The following NXNL1 variants were observed in gnomAD, a reference collection of about 807,000 sequenced individuals.
The protein encoded by NXNL1 is nucleoredoxin like 1, also known as nucleoredoxin-like protein 1.
Under a neutral mutation model 7.2 loss-of-function variants are expected in NXNL1, and 6 were observed. The ratio of observed to expected loss-of-function variants is 0.83; its 90% CI spans 0.46 to 1.64. NXNL1 has a LOEUF of 1.64. Among genes scored for constraint, NXNL1 ranks in the 40% most tolerant of loss-of-function variants. The probability of loss-of-function intolerance (pLI) is 0.01; values close to 1 mark genes in which losing one functional copy is unlikely to be tolerated. For missense variants in NXNL1, 308 were observed against 285.1 expected (o/e 1.08, Z -0.58); for synonymous variants, 133 against 127.2 (o/e 1.05, Z -0.31).
intron 1 of NXNL1, among the ~76,000 whole-genome samples, chr19:17,457,622 C>T (rs952878985): frequency 6.6e-6 from 1 of 152,150 alleles, no homozygotes; most frequent in Non-Finnish European, 1.5e-5. Context: ...ATCCTTCCAT[C>T]TCTGCCTCCC....
chr19:17,458,596 A>ATT (rs34265338), intron 1 of NXNL1, among the ~76,000 whole-genome samples: 1,643 of 87,858 alleles, frequency 0.019, 35 homozygotes, highest in African/African-American at 0.022. Context: ...GATCTTTTTA[A>ATT]TTTTTTTTTT....
Position 17,455,656 on chromosome 19 carries a change from C to CCCCCCCG in NXNL1, c.629_630insCGGGGGG (p.Leu211GlyfsTer8). ...CCTCCACCCTAGCGGGTCAGAACAG[C>CCCCCCCG]CCCCCGGCCCCGCCCTCCTCCCCAC... On this transcript the variant is annotated frameshift_variant, in exon 2 of 2. Coordinates refer to ENST00000301944, the MANE Select transcript of NXNL1 (RefSeq NM_138454.2). LOFTEE classifies it high-confidence loss of function. The CCCCCCCG allele has an allele frequency of 1.1e-6, 1 of 888,210 alleles. No homozygotes were observed. Among genetic ancestry groups the CCCCCCCG allele is most frequent in the Non-Finnish European group, 1.8e-6 (1 of 563,140 alleles). 55.0% of individuals were successfully genotyped at this position (888,210 alleles called of 1,614,324 possible).
chr19:17,460,451 A>G, intron 1 of NXNL1, 93 bp downstream of exon 1: 1 of 1,359,556 alleles, frequency 7.4e-7, no homozygotes, highest in Non-Finnish European at 1.0e-6. Flanking sequence ...GGACTGGCAC[A>G]CAGGGGCTGC....
intron 1 of NXNL1, among the ~76,000 whole-genome samples, chr19:17,456,204 G>C (rs528777556): frequency 6.6e-6 from 1 of 152,008 alleles, no homozygotes; most frequent in Non-Finnish European, 1.5e-5. Flanking sequence ...CGTCTGGAGC[G>C]CTCTCCTCAG....
At position 17,460,567 on chromosome 19, in the gene NXNL1, C is replaced by A; in HGVS notation, c.303G>T (p.Leu101=). 1 of 1,601,930 alleles carries A rather than the reference C, an allele frequency of 6.2e-7. No homozygotes were observed. The highest frequency in any genetic ancestry group is 2.2e-5 in the East Asian group (1 of 44,882). Reference sequence around the variant, plus strand: ...ACCTCCTCAGATCATCCTCAAAGGGCAGGAAAAGCCATTTCTTTGGCATGT... The same window carrying A: ...ACCTCCTCAGATCATCCTCAAAGGGAAGGAAAAGCCATTTCTTTGGCATGT... ...LKDMPKKWLF[L]PFEDDLRRDL... Residue 101 remains leucine, a synonymous_variant, in exon 1 of 2, where the codon CTG becomes CTT. Transcript: ENST00000301944.
At chr19:17,459,695 G>A (rs2075005811) in intron 1 of NXNL1, among the ~76,000 whole-genome samples, 1 of 151,844 alleles carries the variant, frequency 6.6e-6, no homozygotes, top group African/African-American at 2.4e-5. Context: ...TAGATTTACA[G>A]GTGTGAGCCA....
intron 1 of NXNL1, among the ~76,000 whole-genome samples, chr19:17,459,046 C>T (rs548759305): frequency 1.3e-5 from 2 of 152,266 alleles, no homozygotes; most frequent in African/African-American, 4.8e-5. Flanking sequence ...CAGGTGTCAG[C>T]CACCATGCCT....
chr19:17,455,668 G>GCCC lies in NXNL1; in HGVS notation c.615_617dup (p.Gly207dup). 3.0e-6 allele frequency: 1 copy of GCCC among 330,284 alleles called. No individual in the cohort carries two copies. Among genetic ancestry groups the GCCC allele is most frequent in the Non-Finnish European group, 4.7e-6 (1 of 214,744 alleles). The allele number at this position is 330,284 out of a possible 1,614,324, so 20.5% of individuals were successfully genotyped here. The stretch of plus-strand genomic sequence containing the variant: ...CGGGTCAGAACAGCCCCCCGGCCCC[G>GCCC]CCCTCCTCCCCACCCCCTCCCCCGG... On this transcript the variant is annotated inframe_insertion, in exon 2 of 2. Coordinates refer to ENST00000301944, the MANE Select transcript of NXNL1 (RefSeq NM_138454.2).
At chr19:17,460,277 C>G (rs1003391511) in intron 1 of NXNL1, among the ~76,000 whole-genome samples, 1 of 152,172 alleles carries the variant, frequency 6.6e-6, no homozygotes, top group Non-Finnish European at 1.5e-5. Context: ...TGCCAAAGTC[C>G]TGGGATTACA....
intron 1 of NXNL1, among the ~76,000 whole-genome samples, chr19:17,457,581 C>G (rs372986168): frequency 4.1e-4 from 62 of 152,098 alleles, no homozygotes; most frequent in African/African-American, 1.4e-3. Flanking sequence ...CTATGTTGCC[C>G]AGGCTGGTTT....
Position 17,460,890 on chromosome 19 carries a change from G to A in NXNL1, c.-21C>T, listed in dbSNP as rs1006110365. 10 of 1,610,264 alleles carry A rather than the reference G, an allele frequency of 6.2e-6. No homozygotes were observed. Among genetic ancestry groups the A allele is most frequent in the Non-Finnish European group, 8.5e-6 (10 of 1,179,552 alleles). ...GCCATGGTAACCTGGGTTGGGTGCTGGGGACAGCGCGGCGTGTGGTCCCCG... is the reference window on the plus strand; with the variant it reads ...GCCATGGTAACCTGGGTTGGGTGCTAGGGACAGCGCGGCGTGTGGTCCCCG... On this transcript the variant is annotated 5_prime_UTR_variant, in exon 1 of 2. Transcript: ENST00000301944.
At position 17,455,780 on chromosome 19, in the gene NXNL1, A is replaced by G; in HGVS notation, c.506T>C (p.Leu169Pro). ...GAGGCTCCGTGGCTCCTGGTCCTCCAGGTCCTCTGGCAGCTGGAAGTTGCG... is the reference window on the plus strand; with the variant it reads ...GAGGCTCCGTGGCTCCTGGTCCTCCGGGTCCTCTGGCAGCTGGAAGTTGCG... ...LDRNFQLPEDLEDQEPRSLTE... is the reference protein window; with the variant it reads ...LDRNFQLPEDPEDQEPRSLTE... The change falls in exon 2 of 2, where the codon CTG becomes CCG. Residue 169 changes from leucine to proline, a missense_variant. Physicochemically the swap from Leu to Pro is moderately conservative, Grantham distance 98. Transcript: ENST00000301944. 6.5e-7 allele frequency: 1 copy of G among 1,546,478 alleles called. No individual in the cohort carries two copies. Among genetic ancestry groups the G allele is most frequent in the South Asian group, 1.2e-5 (1 of 85,012 alleles).
chr19:17,459,874 C>G (rs781289107), intron 1 of NXNL1, among the ~76,000 whole-genome samples: 1 of 152,110 alleles, frequency 6.6e-6, no homozygotes, highest in Non-Finnish European at 1.5e-5. Context: ...CCGTGCCCAG[C>G]TAGGGGTCTC....
intron 1 of NXNL1, among the ~76,000 whole-genome samples, chr19:17,457,125 C>T (rs2074996238): frequency 6.7e-6 from 1 of 148,336 alleles, no homozygotes; most frequent in Non-Finnish European, 1.5e-5. Context: ...AGGCTGGGTA[C>T]AGTGGCTCAC....
intron 1 of NXNL1, among the ~76,000 whole-genome samples, chr19:17,458,890 C>A (rs8105263): frequency 6.6e-6 from 1 of 151,914 alleles, no homozygotes; most frequent in Admixed American, 6.6e-5. Context: ...AGGCATGAGC[C>A]ACCGCACCAA....
Position 17,455,757 on chromosome 19 carries a change from G to A in NXNL1, c.529C>T (p.Leu177Phe). 1 of 1,540,480 alleles carries A rather than the reference G, an allele frequency of 6.5e-7. No individual in the cohort carries two copies. Among genetic ancestry groups the A allele is most frequent in the Non-Finnish European group, 8.7e-7 (1 of 1,148,566 alleles). The change falls in exon 2 of 2, where the codon CTC becomes TTC. Residue 177 changes from leucine to phenylalanine, a missense_variant. Coordinates refer to ENST00000301944, the MANE Select transcript of NXNL1 (RefSeq NM_138454.2). ...TTGTGGCGGCGCAGGCACTCGGTGA[G>A]GCTCCGTGGCTCCTGGTCCTCCAGG... Reference protein sequence around the residue: ...EDLEDQEPRSLTECLRRHKYR... With the variant: ...EDLEDQEPRSFTECLRRHKYR...
intron 1 of NXNL1, 27 bp from the exon 2 acceptor site, chr19:17,455,986 CG>C: frequency 6.3e-7 from 1 of 1,597,110 alleles, no homozygotes; most frequent in East Asian, 2.2e-5. Flanking sequence ...TCAGTCTGGA[CG>C]GATCCACATC....
At position 17,460,621 on chromosome 19, in the gene NXNL1, C is replaced by G. The variant is rs374141772; in HGVS notation, c.249G>C (p.Thr83=). 5 of 1,611,502 alleles carry G rather than the reference C, an allele frequency of 3.1e-6. No homozygotes were observed. Among genetic ancestry groups the G allele is most frequent in the Non-Finnish European group, 4.2e-6 (5 of 1,180,028 alleles). The change falls in exon 1 of 2, where the codon ACG becomes ACC. Residue 83 remains threonine, a synonymous_variant. Coordinates refer to ENST00000301944, the MANE Select transcript of NXNL1 (RefSeq NM_138454.2). ...LALVYVSQDS[T]EEQQDLFLKD... ...TGAGGAACAGGTCCTGCTGCTCCTCCGTGGAGTCCTGGGACACGTACACCA... is the reference window on the plus strand; with the variant it reads ...TGAGGAACAGGTCCTGCTGCTCCTCGGTGGAGTCCTGGGACACGTACACCA...
At position 17,460,893 on chromosome 19, in the gene NXNL1, G is replaced by GACC; in HGVS notation, c.-25_-24insGGT. ...ATGGTAACCTGGGTTGGGTGCTGGG[G>GACC]ACAGCGCGGCGTGTGGTCCCCGGTC... is the stretch of plus-strand genomic sequence containing the variant. On this transcript the variant is annotated 5_prime_UTR_variant, in exon 1 of 2. Coordinates refer to ENST00000301944, the MANE Select transcript of NXNL1 (RefSeq NM_138454.2). 1 of 1,609,130 alleles carries GACC rather than the reference G, an allele frequency of 6.2e-7. No homozygotes were observed. The highest frequency in any genetic ancestry group is 8.5e-7 in the Non-Finnish European group (1 of 1,179,060).
Sources: gnomAD v4.1 joint callset for allele counts (sites outside exome capture counted in the v4.1 genomes callset) on GRCh38, gnomAD v4.1.1 for gene constraint, MANE v1.5 for transcripts, NCBI Gene and HGNC (gene_info 2026-07-23, HGNC 2026-07-21) for gene names.